DGUOK: variants seen among roughly 807,000 people sequenced by gnomAD.
DGUOK encodes the protein deoxyguanosine kinase.
DGUOK carries 30 observed loss-of-function variants against 36.6 expected under a neutral mutation model. That is an observed-to-expected ratio of 0.82 (90% CI 0.61 to 1.11). The LOEUF (loss-of-function observed/expected upper bound fraction) is 1.11, where lower values mean the gene tolerates loss of function less well. Ranked by LOEUF, DGUOK falls within the 50% of genes most tolerant of loss-of-function variation. The pLI is 0.00. For synonymous variants in DGUOK, 145 were observed against 126.3 expected (o/e 1.15, Z -0.99); for missense variants, 361 against 336.4 (o/e 1.07, Z -0.57).
chr2:73,945,980 T>C (rs1484387868), intron 2 of DGUOK, among the ~76,000 whole-genome samples: 3 of 148,524 alleles, frequency 2.0e-5, no homozygotes, highest in Non-Finnish European at 4.4e-5. Context: ...GAGGTTGCAG[T>C]GAGCCGGGAG....
chr2:73,938,956 A>C lies in DGUOK; in HGVS notation c.189A>C (p.Pro63=), dbSNP rs772552133. Residue 63 remains proline (P), a synonymous_variant, in exon 2 of 7, where the codon CCA becomes CCC. Transcript: ENST00000264093. The part of the protein sequence containing the change: ...TFVKLLTKTY[P]EWHVATEPVA... ...TGAAGTTACTCACGAAAACTTACCCAGAATGGCACGTAGCTACAGAACCTG... is the reference window on the plus strand; with the variant it reads ...TGAAGTTACTCACGAAAACTTACCCCGAATGGCACGTAGCTACAGAACCTG... 13 of 1,614,024 alleles carry C rather than the reference A, an allele frequency of 8.1e-6. No individual in the cohort carries two copies. The highest frequency in any genetic ancestry group is 6.7e-5 in the Admixed American group (4 of 60,008).
intron 2 of DGUOK, among the ~76,000 whole-genome samples, chr2:73,943,070 T>C (rs36107071): frequency 0.061 from 9,313 of 152,264 alleles, 364 homozygotes; most frequent in Middle Eastern, 0.12. Flanking sequence ...TGGTAATGTG[T>C]TGTTTGGAAT....
intron 1 of DGUOK, 146 bp from the exon 2 acceptor site, chr2:73,938,764 T>G: frequency 1.5e-6 from 1 of 682,854 alleles, no homozygotes. Context: ...GTTATCAGTC[T>G]GACAATGGTA....
At chr2:73,930,517 A>G (rs1438047383) in intron 1 of DGUOK, among the ~76,000 whole-genome samples, 1 of 152,222 alleles carries the variant, frequency 6.6e-6, no homozygotes, top group African/African-American at 2.4e-5. Context: ...AATCCCAGAG[A>G]GAGAACAGGG....
intron 1 of DGUOK, among the ~76,000 whole-genome samples, chr2:73,928,219 C>T (rs542938538): frequency 2.7e-4 from 41 of 152,264 alleles, no homozygotes; most frequent in African/African-American, 9.1e-4. Flanking sequence ...CCTCTGCCTC[C>T]CTGGTTCAAG....
intron 3 of DGUOK, 26 bp from the exon 4 acceptor site, chr2:73,950,559 C>T (rs1465746041): frequency 3.1e-6 from 5 of 1,613,724 alleles, no homozygotes; most frequent in Non-Finnish European, 4.2e-6. Flanking sequence ...TCCTGCCCTC[C>T]CCATTCCCAT....
intron 1 of DGUOK, 138 bp downstream of exon 1, chr2:73,927,190 C>G: frequency 8.4e-7 from 1 of 1,186,980 alleles, no homozygotes; most frequent in Non-Finnish European, 1.2e-6. Context: ...AGCCTTTCCC[C>G]TCGCAAAGTG....
intron 4 of DGUOK, among the ~76,000 whole-genome samples, chr2:73,952,365 T>C (rs2104971779): frequency 6.6e-6 from 1 of 152,302 alleles, no homozygotes; most frequent in African/African-American, 2.4e-5. Context: ...GGGTAGAGAT[T>C]AGTGTCAGCG....
chr2:73,949,603 T>G (rs1254201898), intron 3 of DGUOK, among the ~76,000 whole-genome samples: 3 of 152,188 alleles, frequency 2.0e-5, no homozygotes, highest in Admixed American at 2.0e-4. Context: ...GAAATGTTAT[T>G]CTGGAAGGTA....
At position 73,926,972 on chromosome 2, in the gene DGUOK, G is replaced by A. The variant is rs1340329041; in HGVS notation, c.62G>A (p.Ser21Asn). The A allele has an allele frequency of 6.2e-7, 1 of 1,613,000 alleles. No homozygotes were observed. The highest frequency in any genetic ancestry group is 8.5e-7 in the Non-Finnish European group (1 of 1,180,044). Reference sequence around the variant, plus strand: ...GCACCCTTCAGTTCCATGGCCAAGAGCCCACTCGAGGGCGTTTCCTCCTCC... The same window carrying A: ...GCACCCTTCAGTTCCATGGCCAAGAACCCACTCGAGGGCGTTTCCTCCTCC... ...LRAPFSSMAK[S>N]PLEGVSSSRG... is the part of the protein sequence containing the mutation. Residue 21 changes from serine to asparagine, a missense_variant, in exon 1 of 7, where the codon AGC becomes AAC. Coordinates refer to ENST00000264093, the MANE Select transcript of DGUOK (RefSeq NM_080916.3).
rs1683176728 is a variant in DGUOK, at chr2:73,957,222, T to A, written c.689T>A (p.Leu230His). Residue 230 changes from leucine to histidine, a missense_variant, in exon 5 of 7, where the codon CTT becomes CAT. Transcript: ENST00000264093. ...EQLHGQHEAW[L>H]IHKTTKLHFE... ...CTGCATGGCCAACACGAAGCCTGGC[T>A]TATTCACAAGACAACGAAGTAAGTG... 6.2e-7 allele frequency: 1 copy of A among 1,613,998 alleles called. No individual in the cohort carries two copies. The highest frequency in any genetic ancestry group is 8.5e-7 in the Non-Finnish European group (1 of 1,179,908).
At chr2:73,951,018 A>C (rs2104965074) in intron 4 of DGUOK, among the ~76,000 whole-genome samples, 1 of 152,290 alleles carries the variant, frequency 6.6e-6, no homozygotes, top group Admixed American at 6.5e-5. Context: ...TAGGGTTTGC[A>C]GGTGGGACGC....
chr2:73,952,355 G>A (rs1682761850), intron 4 of DGUOK, among the ~76,000 whole-genome samples: 1 of 152,182 alleles, frequency 6.6e-6, no homozygotes, highest in Non-Finnish European at 1.5e-5. Flanking sequence ...TATACTTTAG[G>A]GGTAGAGATT....
intron 6 of DGUOK, 86 bp from the exon 7 acceptor site, chr2:73,958,624 G>A: frequency 1.7e-6 from 2 of 1,167,716 alleles, no homozygotes; most frequent in African/African-American, 1.5e-5. Context: ...AACCTCATGG[G>A]CTTGGCTGCA....
chr2:73,935,501 A>G (rs1681390924), intron 1 of DGUOK, among the ~76,000 whole-genome samples: 1 of 152,250 alleles, frequency 6.6e-6, no homozygotes, highest in South Asian at 2.1e-4. Context: ...TATGATGATC[A>G]GGTATCACAG....
At chr2:73,929,100 T>A (rs1050076550) in intron 1 of DGUOK, among the ~76,000 whole-genome samples, 1 of 152,176 alleles carries the variant, frequency 6.6e-6, no homozygotes, top group Non-Finnish European at 1.5e-5. Flanking sequence ...CTCCTCTCCT[T>A]CTTCCTCCCC....
chr2:73,929,652 CAAAAG>C (rs1031949894), intron 1 of DGUOK, among the ~76,000 whole-genome samples: 2 of 151,988 alleles, frequency 1.3e-5, no homozygotes, highest in African/African-American at 4.8e-5. Flanking sequence ...GAGAAAAAAA[CAAAAG>C]AGAATGATAT....
chr2:73,937,956 G>A (rs1334126863), intron 1 of DGUOK, among the ~76,000 whole-genome samples: 1 of 152,152 alleles, frequency 6.6e-6, no homozygotes, highest in East Asian at 1.9e-4. Flanking sequence ...TTCTAAAAAT[G>A]AGAAGGAGTC....
chr2:73,945,409 G>T (rs1682228247), intron 2 of DGUOK, among the ~76,000 whole-genome samples: 2 of 152,156 alleles, frequency 1.3e-5, no homozygotes, highest in Admixed American at 1.3e-4. Context: ...GTGTTGGAAT[G>T]ATGAGGTTAG....
Sources: gnomAD v4.1 joint callset for allele counts (sites outside exome capture counted in the v4.1 genomes callset) on GRCh38, gnomAD v4.1.1 for gene constraint, MANE v1.5 for transcripts, NCBI Gene and HGNC (gene_info 2026-07-23, HGNC 2026-07-21) for gene names.